The following MDGA1 variants were observed in gnomAD, a reference collection of about 807,000 sequenced individuals.
MDGA1 encodes MAM domain-containing glycosylphosphatidylinositol anchor protein 1.
A neutral mutation model predicts 101.5 loss-of-function variants in MDGA1; 54 were observed. That is an observed-to-expected ratio of 0.53 (90% CI 0.43 to 0.67). The LOEUF is 0.67. Ranked by LOEUF, MDGA1 falls within the 30% of genes least tolerant of loss-of-function variation. The pLI is 0.00. For missense variants in MDGA1, 1,083 were observed against 1,323.8 expected, an observed-to-expected ratio of 0.82 and a Z score of 2.82; for synonymous variants, 533 against 558.3, an observed-to-expected ratio of 0.95 and a Z score of 0.64.
At chr6:37,667,544 C>G (rs1272452067) in intron 1 of MDGA1, among the ~76,000 whole-genome samples, 1 of 152,222 alleles carries the variant, frequency 6.6e-6, no homozygotes, top group Non-Finnish European at 1.5e-5. Flanking sequence ...GCATGAACAT[C>G]TTTCACGATA....
At chr6:37,692,736 G>C (rs919611227) in intron 1 of MDGA1, among the ~76,000 whole-genome samples, 2 of 151,546 alleles carry the variant, frequency 1.3e-5, no homozygotes, top group Admixed American at 6.6e-5. Flanking sequence ...AATATACCAG[G>C]CTCTAAATGA....
chr6:37,649,993 G>T (rs1297191556), intron 8 of MDGA1, 116 bp downstream of exon 8: 1 of 1,208,656 alleles, frequency 8.3e-7, no homozygotes, highest in South Asian at 1.2e-5. Flanking sequence ...GGGGTATCAG[G>T]AGTAGCTGGT....
intron 1 of MDGA1, among the ~76,000 whole-genome samples, chr6:37,690,012 CTT>C (rs1561865534): frequency 6.6e-6 from 1 of 152,180 alleles, no homozygotes; most frequent in East Asian, 1.9e-4. Flanking sequence ...ATCCAGAATC[CTT>C]TCATAGCCTT....
rs1178241600 is a variant in MDGA1, at chr6:37,637,369, C to T, written c.2867G>A (p.Ter956=). The change falls in exon 17 of 17, where the codon TGA becomes TAA. Residue 956 remains the stop codon, a stop_retained_variant. Coordinates refer to ENST00000434837, the MANE Select transcript of MDGA1 (RefSeq NM_153487.4). ...MAIFLLALQR[*] ...GGGGGGGTGGCCACACAGCTCTCAT[C>T]ATCTCTGCAACGCCAAGAGGAAGAT... 6.2e-7 allele frequency: 1 copy of T among 1,612,910 alleles called. No individual in the cohort carries two copies. The highest frequency in any genetic ancestry group is 8.5e-7 in the Non-Finnish European group (1 of 1,179,246).
At position 37,649,280 on chromosome 6, in the gene MDGA1, C is replaced by T; in HGVS notation, c.1610-14G>A. The T allele has an allele frequency of 1.4e-6, 2 of 1,467,116 alleles. No individual in the cohort carries two copies. The highest frequency in any genetic ancestry group is 1.8e-6 in the Non-Finnish European group (2 of 1,120,608). The allele number at this position is 1,467,116 out of a possible 1,614,324, so 90.9% of individuals were successfully genotyped here. ...CCTCCGGCGGGACTGGGGGCGGGAG[C>T]GGCGGTCAGCGGGGCCTCTCCCCAG... is the stretch of plus-strand genomic sequence containing the variant. On this transcript the variant is annotated splice_polypyrimidine_tract_variant and intron_variant, in intron 8 of 16. Transcript: ENST00000434837.
rs1444999909 is a variant in MDGA1, at chr6:37,650,361, C to T, written c.1357G>A (p.Val453Met). 5 of 1,572,744 alleles carry T rather than the reference C, an allele frequency of 3.2e-6. No homozygotes were observed. Among genetic ancestry groups the T allele is most frequent in the Middle Eastern group, 2.2e-4 (1 of 4,644 alleles). Residue 453 changes from valine to methionine, a missense_variant, in exon 8 of 17, where the codon GTG becomes ATG. Physicochemically the swap from Val to Met is conservative, Grantham distance 21 (BLOSUM62 1). Around this residue, in one of 3 missense-constraint regions of MDGA1, gnomAD observed 657 missense variants for 771.4 expected, o/e 0.85. Coordinates refer to ENST00000434837, the MANE Select transcript of MDGA1 (RefSeq NM_153487.4). ...SVPKGRAVVT[V>M]REGSPAELQC... ...AGCTCGGCAGGCGATCCCTCGCGCA[C>T]GGTCACCACGGCCCTACCCTTGGGC...
chr6:37,675,385 C>T (rs547031771), intron 1 of MDGA1, among the ~76,000 whole-genome samples: 3 of 152,314 alleles, frequency 2.0e-5, no homozygotes, highest in South Asian at 2.1e-4. Context: ...ACATCGGGTA[C>T]ATCACACAGT....
rs746091045 is a variant in MDGA1 at position 37,655,943 on chromosome 6, G to A, written c.383-47C>T. The A allele has an allele frequency of 6.6e-7, 1 of 1,523,138 alleles. No homozygotes were observed. Among genetic ancestry groups the A allele is most frequent in the Non-Finnish European group, 8.9e-7 (1 of 1,127,806 alleles). 94.4% of individuals were successfully genotyped at this position (1,523,138 alleles called of 1,614,324 possible). ...GGAGTCAGGACTGGGTGACCCCAAG[G>A]TTGGGGGGCTCAGGCTCCTGGCAGC... On this transcript the variant is annotated intron_variant, in intron 3 of 16. Coordinates refer to ENST00000434837, the MANE Select transcript of MDGA1 (RefSeq NM_153487.4). The surrounding 1 kb of genome is among the most constrained non-coding windows in gnomAD (Gnocchi z 5.1).
rs888532606 is a variant in MDGA1, at chr6:37,632,908, T to A, written c.*4460A>T. On this transcript the variant is annotated 3_prime_UTR_variant, in exon 17 of 17. Transcript: ENST00000434837. ...GCTACTCTAGGGCAGGAAGAATGCA[T>A]GGAGACCTAGAGGGCCACCAGAGTT... The A allele has an allele frequency of 4.6e-5, 7 of 152,650 alleles. No homozygotes were observed. Among genetic ancestry groups the A allele is most frequent in the African/African-American group, 1.7e-4 (7 of 41,406 alleles). The allele number at this position is 152,650 out of a possible 1,614,324, so 9.5% of individuals were successfully genotyped here. A position where few individuals can be genotyped will look rare whatever the true frequency, so the allele number is the denominator to read the frequency against.
At chr6:37,656,591 T>C (rs1761494213) in intron 3 of MDGA1, among the ~76,000 whole-genome samples, 1 of 152,108 alleles carries the variant, frequency 6.6e-6, no homozygotes, top group Non-Finnish European at 1.5e-5. Flanking sequence ...CAGACTGTTC[T>C]TGAGCTCCTG....
At position 37,643,954 on chromosome 6, in the gene MDGA1, T is replaced by C. The variant is rs1007508441; in HGVS notation, c.2402-11A>G. 1.2e-6 allele frequency: 2 copies of C among 1,613,254 alleles called. No homozygotes were observed. Among genetic ancestry groups the C allele is most frequent in the African/African-American group, 1.3e-5 (1 of 74,988 alleles). On this transcript the variant is annotated splice_polypyrimidine_tract_variant and intron_variant, in intron 13 of 16. Coordinates refer to ENST00000434837, the MANE Select transcript of MDGA1 (RefSeq NM_153487.4). ...TGAACATGTAGTAGCCTGCGGGGAATGGGGAGATGCGCCAACAGCCCCCAA... is the reference window on the plus strand; with the variant it reads ...TGAACATGTAGTAGCCTGCGGGGAACGGGGAGATGCGCCAACAGCCCCCAA...
intron 1 of MDGA1, among the ~76,000 whole-genome samples, chr6:37,686,980 A>C (rs1762210234): frequency 6.6e-6 from 1 of 152,174 alleles, no homozygotes; most frequent in Non-Finnish European, 1.5e-5. Context: ...AAAATCTGCC[A>C]GGGAATGCCT....
At chr6:37,670,437 TTCC>T (rs1761843626) in intron 1 of MDGA1, among the ~76,000 whole-genome samples, 2 of 152,196 alleles carry the variant, frequency 1.3e-5, no homozygotes, top group Non-Finnish European at 2.9e-5. Context: ...GCTGGAGCCC[TTCC>T]CCGAGCATCC....
intron 2 of MDGA1, among the ~76,000 whole-genome samples, chr6:37,663,108 A>C (rs1057062656): frequency 3.3e-5 from 5 of 152,202 alleles, no homozygotes; most frequent in Non-Finnish European, 7.3e-5. Context: ...CTAGGATCCA[A>C]CTGTCACCCT....
chr6:37,644,713 C>A, intron 12 of MDGA1, 64 bp from the exon 13 acceptor site: 1 of 1,403,046 alleles, frequency 7.1e-7, no homozygotes, highest in East Asian at 2.8e-5. Context: ...CCCAGCCTCG[C>A]CCCTCTCACC....
intron 1 of MDGA1, among the ~76,000 whole-genome samples, chr6:37,674,678 G>T (rs937779012): frequency 2.6e-5 from 4 of 152,176 alleles, no homozygotes; most frequent in Non-Finnish European, 5.9e-5. Context: ...CACCAGGAAA[G>T]CCCTTTAATG....
At position 37,696,860 on chromosome 6, in the gene MDGA1, G is replaced by C. The variant is rs1208506973; in HGVS notation, c.-49C>G. On this transcript the variant is annotated 5_prime_UTR_variant, in exon 1 of 17. Transcript: ENST00000434837. The surrounding 1 kb of genome is among the most constrained non-coding windows in gnomAD (Gnocchi z 5.6). ...CGCGAGGCGGCGCAGCCCGAGAGGC[G>C]GCGGGGGGCGCATTCGCCGGGGCCC... 6.6e-7 allele frequency: 1 copy of C among 1,508,110 alleles called. No homozygotes were observed. Among genetic ancestry groups the C allele is most frequent in the African/African-American group, 1.4e-5 (1 of 72,364 alleles). The allele number at this position is 1,508,110 out of a possible 1,614,324, so 93.4% of individuals were successfully genotyped here.
At chr6:37,673,594 C>T (rs913868203) in intron 1 of MDGA1, among the ~76,000 whole-genome samples, 1 of 152,146 alleles carries the variant, frequency 6.6e-6, no homozygotes, top group Non-Finnish European at 1.5e-5. Flanking sequence ...GAAAATTAGC[C>T]CTGCCCTTCT....
intron 16 of MDGA1, among the ~76,000 whole-genome samples, chr6:37,637,671 A>G (rs567496536): frequency 6.6e-6 from 1 of 152,288 alleles, no homozygotes; most frequent in African/African-American, 2.4e-5. Flanking sequence ...CAGGGTTCAC[A>G]TTCACTAAGA....
Sources: gnomAD v4.1 joint callset for allele counts (sites outside exome capture counted in the v4.1 genomes callset) on GRCh38, gnomAD v4.1.1 for gene constraint, gnomAD v4.1.1 regional missense constraint, Gnocchi (gnomAD v3.1) non-coding constraint, MANE v1.5 for transcripts, NCBI Gene and HGNC (gene_info 2026-07-23, HGNC 2026-07-21) for gene names.